NCKAP1L: variants seen among roughly 807,000 people sequenced by gnomAD.
The protein encoded by NCKAP1L is NCK associated protein 1 like.
A neutral mutation model predicts 139.2 loss-of-function variants in NCKAP1L; 53 were observed. That is an observed-to-expected ratio of 0.38 (90% CI 0.31 to 0.48). NCKAP1L has a LOEUF of 0.48. Among genes scored for constraint, NCKAP1L ranks in the 20% least tolerant of loss-of-function variants. The probability of loss-of-function intolerance (pLI) is 0.98; values close to 1 mark genes in which losing one functional copy is unlikely to be tolerated. For synonymous variants in NCKAP1L, 468 were observed against 499.7 expected, an observed-to-expected ratio of 0.94 and a Z score of 0.85; for missense variants, 1,151 against 1,381.9, an observed-to-expected ratio of 0.83 and a Z score of 2.65.
rs1957203465 is a variant in NCKAP1L, at chr12:54,547,072, G to GGAAT, written c.*4390_*4393dup. The stretch of plus-strand genomic sequence containing the variant: ...GGCAGTTTAGAAGCTGAAAAGGAGA[G>GGAAT]GAATGAGAAGGAGCCTGGGAAAGGT... On this transcript the variant is annotated 3_prime_UTR_variant, in exon 31 of 31. Transcript: ENST00000293373. 6.6e-6 allele frequency: 1 copy of GGAAT among 152,230 alleles called. No individual in the cohort carries two copies. 9.4% of individuals were successfully genotyped at this position (152,230 alleles called of 1,614,324 possible).
At chr12:54,510,884 G>A (rs1956883437) in intron 7 of NCKAP1L, among the ~76,000 whole-genome samples, 1 of 151,718 alleles carries the variant, frequency 6.6e-6, no homozygotes, top group Non-Finnish European at 1.5e-5. Context: ...GAACTCCTGG[G>A]CTCAAGTGAT....
At chr12:54,504,569 G>A (rs1241919840) in intron 3 of NCKAP1L, among the ~76,000 whole-genome samples, 1 of 152,210 alleles carries the variant, frequency 6.6e-6, no homozygotes, top group East Asian at 1.9e-4. Flanking sequence ...AAAGTTCTGA[G>A]CCCAAGGTGT....
rs375296792 is a variant in NCKAP1L, at chr12:54,524,081, C to G, written c.2156+125C>G. 4 of 993,682 alleles carry G rather than the reference C, an allele frequency of 4.0e-6. No individual in the cohort carries two copies. In the Admixed American group the frequency reaches 9.5e-5, roughly 24 times the overall value. The allele number at this position is 993,682 out of a possible 1,614,324, so 61.6% of individuals were successfully genotyped here. ...CATTCATCCTGGTGGTCATGCCACACGGTGGAGATTCTGTTGCAGTCAGTC... is the reference window on the plus strand; with the variant it reads ...CATTCATCCTGGTGGTCATGCCACAGGGTGGAGATTCTGTTGCAGTCAGTC... On this transcript the variant is annotated intron_variant, in intron 20 of 30. Coordinates refer to ENST00000293373, the MANE Select transcript of NCKAP1L (RefSeq NM_005337.5).
Position 54,546,651 on chromosome 12 carries a change from C to A in NCKAP1L, c.*3966C>A, listed in dbSNP as rs1208003598. 1 of 152,234 alleles carries A rather than the reference C, an allele frequency of 6.6e-6. No individual in the cohort carries two copies. Among genetic ancestry groups the A allele is most frequent in the African/African-American group, 2.4e-5 (1 of 41,434 alleles). The allele number at this position is 152,234 out of a possible 1,614,324, so 9.4% of individuals were successfully genotyped here. ...AGAGTGTTCTTCCAGTCCTCCTCCC[C>A]ACAGGGCCTCCTGCTTCTCCTAAGT... is the stretch of plus-strand genomic sequence containing the variant. On this transcript the variant is annotated 3_prime_UTR_variant, in exon 31 of 31. Coordinates refer to ENST00000293373, the MANE Select transcript of NCKAP1L (RefSeq NM_005337.5).
chr12:54,518,455 G>T lies in NCKAP1L; in HGVS notation c.1339-196G>T, dbSNP rs1592344189. On this transcript the variant is annotated intron_variant, in intron 13 of 30. Transcript: ENST00000293373. ...AGTGAAATTACATAGAAATAGGAGA[G>T]AAAAATAAAGAGAAACTGGATGTTA... The T allele has an allele frequency of 1.4e-5, 9 of 647,688 alleles. No individual in the cohort carries two copies. The South Asian group carries it at 1.6e-4, about 11-fold the overall frequency. The allele number at this position is 647,688 out of a possible 1,614,324, so 40.1% of individuals were successfully genotyped here.
chr12:54,529,348 A>G (rs929546264), intron 22 of NCKAP1L, among the ~76,000 whole-genome samples: 3 of 152,182 alleles, frequency 2.0e-5, no homozygotes, highest in Admixed American at 6.5e-5. Context: ...CCCTTTCTCA[A>G]GAGGGTTTGA....
intron 9 of NCKAP1L, among the ~76,000 whole-genome samples, chr12:54,513,228 G>A (rs1956902441): frequency 6.6e-6 from 1 of 152,162 alleles, no homozygotes; most frequent in South Asian, 2.1e-4. Flanking sequence ...TTTCTGGCGT[G>A]GATATCTGGT....
At chr12:54,521,709 T>G (rs1216263598) in intron 18 of NCKAP1L, among the ~76,000 whole-genome samples, 1 of 152,162 alleles carries the variant, frequency 6.6e-6, no homozygotes, top group African/African-American at 2.4e-5. Context: ...TTCTTCTTAT[T>G]TTTCCCCTCT....
At chr12:54,534,147 G>C (rs1957096102) in intron 26 of NCKAP1L, among the ~76,000 whole-genome samples, 1 of 152,178 alleles carries the variant, frequency 6.6e-6, no homozygotes. Context: ...TTAAGATAAA[G>C]GAAGAGGATG....
At chr12:54,531,847 T>C in intron 25 of NCKAP1L, 22 bp downstream of exon 25, 1 of 1,570,828 alleles carries the variant, frequency 6.4e-7, no homozygotes, top group Non-Finnish European at 8.8e-7. Flanking sequence ...GGGAGGGGTC[T>C]GTCACAGAGT....
At chr12:54,539,715 C>T (rs1035022557) in intron 30 of NCKAP1L, among the ~76,000 whole-genome samples, 15 of 152,298 alleles carry the variant, frequency 9.8e-5, no homozygotes, top group African/African-American at 3.1e-4. Flanking sequence ...CCTCCTTGAG[C>T]CTTCCTCTAG....
In NCKAP1L at chr12:54,544,132, A is replaced by G. The variant is rs1346757543; in HGVS notation, c.*1447A>G. On this transcript the variant is annotated 3_prime_UTR_variant, in exon 31 of 31. Transcript: ENST00000293373. ...ACAGTTGTCTGCTCTTTAGGGTGGA[A>G]GCGATAGAGAATCCTGCTTCGTGCA... 6.6e-6 allele frequency: 1 copy of G among 152,194 alleles called. No individual in the cohort carries two copies. The highest frequency in any genetic ancestry group is 1.5e-5 in the Non-Finnish European group (1 of 68,032). The allele number at this position is 152,194 out of a possible 1,614,324, so 9.4% of individuals were successfully genotyped here. A position where few individuals can be genotyped will look rare whatever the true frequency, so the allele number is the denominator to read the frequency against.
chr12:54,524,123 C>A (rs1957008574), intron 20 of NCKAP1L, among the ~76,000 whole-genome samples, 167 bp downstream of exon 20: 1 of 152,136 alleles, frequency 6.6e-6, no homozygotes, highest in Non-Finnish European at 1.5e-5. Flanking sequence ...AGGTCCCAAG[C>A]ATCTCTATTA....
chr12:54,532,105 T>A lies in NCKAP1L; in HGVS notation c.2782-65T>A, dbSNP rs531347060. On this transcript the variant is annotated intron_variant, in intron 25 of 30. Transcript: ENST00000293373. ...GCCCCTCCTTTTTTTTTTTTTTTATTTCTACCTATTTTTGAAGGCATTGGT... is the reference window on the plus strand; with the variant it reads ...GCCCCTCCTTTTTTTTTTTTTTTATATCTACCTATTTTTGAAGGCATTGGT... The A allele has an allele frequency of 2.3e-5, 28 of 1,229,982 alleles. No individual in the cohort carries two copies. In the East Asian group the frequency reaches 6.0e-4, roughly 26 times the overall value. 76.2% of individuals were successfully genotyped at this position (1,229,982 alleles called of 1,614,324 possible).
At chr12:54,522,982 G>A (rs760088532) in intron 18 of NCKAP1L, among the ~76,000 whole-genome samples, 1 of 152,240 alleles carries the variant, frequency 6.6e-6, no homozygotes, top group Non-Finnish European at 1.5e-5. Flanking sequence ...AGGAAGGGAT[G>A]TAGTATGTGA....
intron 18 of NCKAP1L, among the ~76,000 whole-genome samples, chr12:54,523,067 CT>C (rs1374763232): frequency 6.6e-6 from 1 of 152,142 alleles, no homozygotes; most frequent in Non-Finnish European, 1.5e-5. Flanking sequence ...CTGAGTGGGA[CT>C]TTTAGATCTT....
At chr12:54,535,033 GC>G in intron 26 of NCKAP1L, 70 bp from the exon 27 acceptor site, 1 of 1,210,452 alleles carries the variant, frequency 8.3e-7, no homozygotes, top group Non-Finnish European at 1.2e-6. Context: ...AAAAGTCCTG[GC>G]TATGCATTCC....
At chr12:54,517,695 G>C in intron 12 of NCKAP1L, 53 bp downstream of exon 12, 1 of 1,581,192 alleles carries the variant, frequency 6.3e-7, no homozygotes, top group Non-Finnish European at 8.7e-7. Flanking sequence ...TGGGGACAGG[G>C]AGGCATCAGA....
rs112398866 is a variant in NCKAP1L, at chr12:54,542,976, T to C, written c.*291T>C. The C allele has an allele frequency of 2.0e-3, 565 of 284,582 alleles. 2 individuals are homozygous for C. Among genetic ancestry groups the C allele is most frequent in the Admixed American group, 3.5e-3 (74 of 21,236 alleles). 17.6% of individuals were successfully genotyped at this position (284,582 alleles called of 1,614,324 possible). ...AGGAGTAACGTACAAGTATATTTTC[T>C]ATCTTCTGGTGACTTGAGCTTGAGC... On this transcript the variant is annotated 3_prime_UTR_variant, in exon 31 of 31. Transcript: ENST00000293373.
Sources: allele counts gnomAD v4.1 joint callset (sites outside exome capture counted in the v4.1 genomes callset), GRCh38; gene constraint gnomAD v4.1.1; transcripts MANE v1.5; gene names NCBI Gene and HGNC (gene_info 2026-07-23, HGNC 2026-07-21).